The following PCSK2 variants were observed in gnomAD, a reference collection of about 807,000 sequenced individuals.
The protein encoded by PCSK2 is neuroendocrine convertase 2.
PCSK2 carries 14 observed loss-of-function variants against 69.7 expected under a neutral mutation model. That is an observed-to-expected ratio of 0.20 (90% CI 0.13 to 0.31). The LOEUF (loss-of-function observed/expected upper bound fraction) is 0.31, where lower values mean the gene tolerates loss of function less well. Among genes scored for constraint, PCSK2 ranks in the 10% least tolerant of loss-of-function variants. PCSK2 has a pLI of 1.00. For missense variants in PCSK2, 544 were observed against 842.5 expected (o/e 0.65, Z 4.39); for synonymous variants, 307 against 320.7 (o/e 0.96, Z 0.46).
chr20:17,483,733 T>C lies in PCSK2; in HGVS notation c.*1663T>C, dbSNP rs1331415334. The C allele has an allele frequency of 6.6e-5, 10 of 152,630 alleles. No homozygotes were observed. The allele number at this position is 152,630 out of a possible 1,614,324, so 9.5% of individuals were successfully genotyped here. ...CTCTATATCATGCTTTAAAGTGTAA[T>C]AATATGATTTTTTAAAAGAAATTTA... On this transcript the variant is annotated 3_prime_UTR_variant, in exon 12 of 12. Transcript: ENST00000262545.
At chr20:17,264,270 G>C (rs546847369) in intron 2 of PCSK2, among the ~76,000 whole-genome samples, 69 of 152,298 alleles carry the variant, frequency 4.5e-4, no homozygotes, top group African/African-American at 1.6e-3. Context: ...TTTCTTGAGA[G>C]AGGTTATATT....
intron 1 of PCSK2, among the ~76,000 whole-genome samples, chr20:17,256,775 C>G (rs951727070): frequency 1.3e-5 from 2 of 152,082 alleles, no homozygotes; most frequent in African/African-American, 4.8e-5. Flanking sequence ...CCTCCCCTAG[C>G]TCTGCAACCC....
intron 5 of PCSK2, among the ~76,000 whole-genome samples, chr20:17,384,424 C>CTAAAAAAAAA (rs1568627621): frequency 1.3e-5 from 1 of 76,254 alleles, no homozygotes; most frequent in African/African-American, 3.8e-5. Context: ...TCCATATCTA[C>CTAAAAAAAAA]CAAAAAAAAA....
chr20:17,477,729 T>C (rs1450419888), intron 11 of PCSK2, among the ~76,000 whole-genome samples: 1 of 152,172 alleles, frequency 6.6e-6, no homozygotes, highest in Non-Finnish European at 1.5e-5. Context: ...CTAAGTTTAT[T>C]CCTCTCCAAA....
intron 4 of PCSK2, among the ~76,000 whole-genome samples, chr20:17,362,327 T>C (rs2030422998): frequency 1.3e-5 from 2 of 152,232 alleles, no homozygotes; most frequent in African/African-American, 4.8e-5. Flanking sequence ...TTCTTCATTT[T>C]AGTCAATTAC....
intron 2 of PCSK2, among the ~76,000 whole-genome samples, chr20:17,275,823 G>A (rs1988050487): frequency 6.6e-6 from 1 of 152,112 alleles, no homozygotes; most frequent in African/African-American, 2.4e-5. Context: ...TCTCTGGAGT[G>A]TAAACTTGTG....
chr20:17,365,460 G>A (rs1030265072), intron 4 of PCSK2, among the ~76,000 whole-genome samples: 5 of 151,966 alleles, frequency 3.3e-5, no homozygotes, highest in Non-Finnish European at 5.9e-5. Flanking sequence ...CCACCCCCCC[G>A]AAAATTTGTG....
At chr20:17,419,335 A>G (rs765653552) in intron 6 of PCSK2, among the ~76,000 whole-genome samples, 8 of 152,228 alleles carry the variant, frequency 5.3e-5, no homozygotes, top group Non-Finnish European at 1.0e-4. Flanking sequence ...TAATAATTAC[A>G]TGCAGTATCT....
chr20:17,410,242 A>C (rs1023718872), intron 6 of PCSK2, among the ~76,000 whole-genome samples: 1 of 152,196 alleles, frequency 6.6e-6, no homozygotes, highest in Non-Finnish European at 1.5e-5. Flanking sequence ...TTGGTCAAAC[A>C]GTTAAAATTC....
Position 17,481,761 on chromosome 20 carries a change from G to A in PCSK2, c.1608G>A (p.Leu536=), listed in dbSNP as rs2033406300. ...TSPMGTKSIL[L]SRRPRDDDSK... ...CTATGGGCACCAAGTCCATTTTGCT[G>A]AGCCGGCGTCCAAGGGATGACGACT... The change falls in exon 12 of 12, where the codon CTG becomes CTA. Residue 536 remains leucine, a synonymous_variant. Transcript: ENST00000262545. 1 of 1,614,176 alleles carries A rather than the reference G, an allele frequency of 6.2e-7. No homozygotes were observed. Among genetic ancestry groups the A allele is most frequent in the Non-Finnish European group, 8.5e-7 (1 of 1,180,032 alleles).
At position 17,278,378 on chromosome 20, in the gene PCSK2, T is replaced by A. The variant is rs930383040; in HGVS notation, c.282+18034T>A. Among the ~76,000 whole-genome samples, 4 of 152,334 alleles carry A rather than the reference T, an allele frequency of 2.6e-5. No individual in the cohort carries two copies. In the East Asian group the frequency reaches 7.7e-4, roughly 29 times the overall value. ...AATGTGGCATATATACACTATGGAATACTATGCAGCCATAAAAAATGATGA... is the reference window on the plus strand; with the variant it reads ...AATGTGGCATATATACACTATGGAAAACTATGCAGCCATAAAAAATGATGA... On this transcript the variant is annotated intron_variant, in intron 2 of 11. Transcript: ENST00000262545.
At chr20:17,322,195 A>G (rs1989890001) in intron 2 of PCSK2, among the ~76,000 whole-genome samples, 1 of 152,166 alleles carries the variant, frequency 6.6e-6, no homozygotes, top group African/African-American at 2.4e-5. Context: ...GAATGGTTTT[A>G]GGGCCTGAGC....
intron 2 of PCSK2, among the ~76,000 whole-genome samples, chr20:17,353,767 A>T (rs2030095897): frequency 6.6e-6 from 1 of 152,212 alleles, no homozygotes; most frequent in African/African-American, 2.4e-5. Flanking sequence ...GGTGGACTGG[A>T]TAAAGAAAAT....
intron 5 of PCSK2, among the ~76,000 whole-genome samples, chr20:17,394,512 T>C (rs2031465045): frequency 6.6e-6 from 1 of 152,104 alleles, no homozygotes; most frequent in African/African-American, 2.4e-5. Context: ...CAGAGTGTCA[T>C]GTGAGGAGAG....
chr20:17,236,700 G>A (rs6111466), intron 1 of PCSK2, among the ~76,000 whole-genome samples: 1 of 151,882 alleles, frequency 6.6e-6, no homozygotes, highest in Non-Finnish European at 1.5e-5. Context: ...TTCATCTTTT[G>A]AGTAGCTAGG....
At chr20:17,369,581 A>C (rs2030698564) in intron 5 of PCSK2, among the ~76,000 whole-genome samples, 1 of 152,174 alleles carries the variant, frequency 6.6e-6, no homozygotes, top group South Asian at 2.1e-4. Context: ...TGTCCATCCC[A>C]TTGGAGCCAC....
intron 5 of PCSK2, among the ~76,000 whole-genome samples, chr20:17,382,284 T>C (rs2123255027): frequency 6.6e-6 from 1 of 152,318 alleles, no homozygotes; most frequent in East Asian, 1.9e-4. Context: ...TTGTGTTTTA[T>C]ATGCATGATC....
intron 1 of PCSK2, among the ~76,000 whole-genome samples, chr20:17,241,600 A>G (rs774858358): frequency 1.3e-5 from 2 of 152,216 alleles, no homozygotes; most frequent in Non-Finnish European, 2.9e-5. Flanking sequence ...AAGTCAGGTT[A>G]TATGTCTTTG....
chr20:17,391,790 G>A (rs1396570983), intron 5 of PCSK2, among the ~76,000 whole-genome samples: 1 of 152,098 alleles, frequency 6.6e-6, no homozygotes, highest in Non-Finnish European at 1.5e-5. Context: ...AGGATTAGTT[G>A]AGTCCAGGAG....
Sources: gnomAD v4.1 joint callset for allele counts (sites outside exome capture counted in the v4.1 genomes callset) on GRCh38, gnomAD v4.1.1 for gene constraint, MANE v1.5 for transcripts, NCBI Gene and HGNC (gene_info 2026-07-23, HGNC 2026-07-21) for gene names.